RAD23B: variants seen among roughly 807,000 people sequenced by gnomAD.
RAD23B encodes lysine-specific demethylase RAD23B.
In RAD23B, 5 loss-of-function variants were observed where a neutral mutation model predicts 49.1. The observed-to-expected ratio is 0.10, with a 90% CI of 0.05 to 0.21. The LOEUF is 0.21. Ranked by LOEUF, RAD23B falls within the 10% of genes least tolerant of loss-of-function variation. The pLI is 1.00. For synonymous variants in RAD23B, 184 were observed against 165.4 expected, an observed-to-expected ratio of 1.11 and a Z score of -0.86; for missense variants, 356 against 486.7, an observed-to-expected ratio of 0.73 and a Z score of 2.53.
At chr9:107,301,340 ATATAGGT>A (rs1826648074) in intron 2 of RAD23B, among the ~76,000 whole-genome samples, 1 of 152,218 alleles carries the variant, frequency 6.6e-6, no homozygotes, top group African/African-American at 2.4e-5. Flanking sequence ...TCATAAAAGA[ATATAGGT>A]TATTTTCCAG....
chr9:107,324,106 A>AG, intron 8 of RAD23B, 89 bp downstream of exon 8: 30 of 1,353,638 alleles, frequency 2.2e-5, no homozygotes, highest in Non-Finnish European at 3.1e-5. Flanking sequence ...CCTCAAATAC[A>AG]ACTCTGTATT....
intron 6 of RAD23B, among the ~76,000 whole-genome samples, chr9:107,319,564 T>A (rs923602119): frequency 2.0e-5 from 3 of 152,226 alleles, no homozygotes; most frequent in African/African-American, 7.2e-5. Flanking sequence ...TGGACAACTT[T>A]GATCCCAGAT....
chr9:107,313,964 T>A (rs58001660), intron 5 of RAD23B, among the ~76,000 whole-genome samples: 1 of 151,752 alleles, frequency 6.6e-6, no homozygotes, highest in Non-Finnish European at 1.5e-5. Flanking sequence ...TTCCCTTTCT[T>A]CCCCTCATTC....
At chr9:107,319,113 A>G (rs1827056065) in intron 6 of RAD23B, among the ~76,000 whole-genome samples, 1 of 144,518 alleles carries the variant, frequency 6.9e-6, no homozygotes. Context: ...TATTCAGAAC[A>G]AAAATTTCTT....
At chr9:107,283,719 G>A (rs1276066655) in intron 1 of RAD23B, 24 bp downstream of exon 1, 2 of 1,424,562 alleles carry the variant, frequency 1.4e-6, no homozygotes, top group Non-Finnish European at 1.8e-6. Context: ...CCGGGGGCAG[G>A]GGCAGCCGCG....
At chr9:107,292,909 C>T (rs960534955) in intron 1 of RAD23B, among the ~76,000 whole-genome samples, 2 of 152,018 alleles carry the variant, frequency 1.3e-5, no homozygotes, top group African/African-American at 2.4e-5. Flanking sequence ...AACAAATTAC[C>T]CCAAAACTTA....
intron 5 of RAD23B, among the ~76,000 whole-genome samples, chr9:107,316,022 T>TG (rs1195026704): frequency 1.3e-5 from 2 of 152,060 alleles, no homozygotes; most frequent in Admixed American, 6.5e-5. Flanking sequence ...CGAATTTTTT[T>TG]TTTTTTTGGA....
At position 107,331,865 on chromosome 9, in the gene RAD23B, C is replaced by T. The variant is rs1208805672; in HGVS notation, c.*2209C>T. The T allele has an allele frequency of 9.1e-6, 5 of 551,038 alleles. No homozygotes were observed. Among genetic ancestry groups the T allele is most frequent in the Admixed American group, 3.2e-5 (1 of 30,998 alleles). The allele number at this position is 551,038 out of a possible 1,614,324, so 34.1% of individuals were successfully genotyped here. A position where few individuals can be genotyped will look rare whatever the true frequency, so the allele number is the denominator to read the frequency against. On this transcript the variant is annotated 3_prime_UTR_variant, in exon 10 of 10. Transcript: ENST00000358015. The stretch of plus-strand genomic sequence containing the variant: ...CTGCTTCTTAAAGAATCAGCCGAGA[C>T]ACCATAAAAGAAATAGGCTTTTTGT...
At chr9:107,310,512 A>C (rs1261489968) in intron 4 of RAD23B, among the ~76,000 whole-genome samples, 1 of 152,178 alleles carries the variant, frequency 6.6e-6, no homozygotes, top group African/African-American at 2.4e-5. Flanking sequence ...AATGATTGTT[A>C]AGTTAAAAAA....
intron 1 of RAD23B, among the ~76,000 whole-genome samples, chr9:107,292,464 A>T (rs1328702305): frequency 6.6e-6 from 1 of 152,104 alleles, no homozygotes; most frequent in Non-Finnish European, 1.5e-5. Flanking sequence ...GCGGATCACG[A>T]GGTCAGGAGT....
intron 5 of RAD23B, among the ~76,000 whole-genome samples, chr9:107,316,257 C>G (rs113343800): frequency 6.6e-6 from 1 of 151,866 alleles, no homozygotes; most frequent in African/African-American, 2.4e-5. Context: ...GTGATCTGCC[C>G]GCCTCGGCCT....
At chr9:107,311,861 T>A in intron 5 of RAD23B, 124 bp downstream of exon 5, 2 of 697,460 alleles carry the variant, frequency 2.9e-6, no homozygotes, top group Non-Finnish European at 4.6e-6. Flanking sequence ...GTAAGATGAT[T>A]GATTTAGGTA....
chr9:107,328,213 G>A (rs544006910), intron 9 of RAD23B, among the ~76,000 whole-genome samples: 5 of 152,220 alleles, frequency 3.3e-5, no homozygotes, highest in East Asian at 3.9e-4. Context: ...ATAGTTATTC[G>A]TGATGAATTG....
At position 107,330,093 on chromosome 9, in the gene RAD23B, A is replaced by G. The variant is rs1349891056; in HGVS notation, c.*437A>G. 1 of 152,738 alleles carries G rather than the reference A, an allele frequency of 6.5e-6. No homozygotes were observed. The highest frequency in any genetic ancestry group is 1.5e-5 in the Non-Finnish European group (1 of 68,096). The allele number at this position is 152,738 out of a possible 1,614,324, so 9.5% of individuals were successfully genotyped here. On this transcript the variant is annotated 3_prime_UTR_variant, in exon 10 of 10. Coordinates refer to ENST00000358015, the MANE Select transcript of RAD23B (RefSeq NM_002874.5). The surrounding 1 kb of genome is among the most constrained non-coding windows in gnomAD (Gnocchi z 4.4). The stretch of plus-strand genomic sequence containing the variant: ...GGCAACACTGGATAATGGCTTTGTG[A>G]AATTTAAAAAATTTTTGTAGCGACT...
chr9:107,310,564 A>G (rs1826870487), intron 4 of RAD23B, among the ~76,000 whole-genome samples: 1 of 152,202 alleles, frequency 6.6e-6, no homozygotes, highest in South Asian at 2.1e-4. Context: ...TTAAATAGAA[A>G]TTGGTGTCAT....
intron 6 of RAD23B, among the ~76,000 whole-genome samples, chr9:107,319,410 G>A (rs1047086340): frequency 7.2e-5 from 11 of 152,242 alleles, no homozygotes; most frequent in Middle Eastern, 3.4e-3. Flanking sequence ...GATTACAGGT[G>A]TGAGCCACCG....
At chr9:107,284,150 G>GAA in intron 1 of RAD23B, 1 of 942,180 alleles carries the variant, frequency 1.1e-6, no homozygotes, top group Non-Finnish European at 1.3e-6. Flanking sequence ...TGAGCCTTAA[G>GAA]AAAAAAAAAA....
At chr9:107,315,472 A>G (rs1393711743) in intron 5 of RAD23B, among the ~76,000 whole-genome samples, 2 of 151,208 alleles carry the variant, frequency 1.3e-5, no homozygotes, top group Non-Finnish European at 2.9e-5. Context: ...TTGCCTCATT[A>G]CTCTGTTTCT....
rs760355490 is a variant in RAD23B, at chr9:107,306,672, C to G, written c.497+25C>G. 5 of 1,591,256 alleles carry G rather than the reference C, an allele frequency of 3.1e-6. No homozygotes were observed. The South Asian group carries it at 3.4e-5, about 11-fold the overall frequency. ...GGTAGGAACTGGATTCTAGGACATT[C>G]TATCTCAAAATCCGTGTTTAACAGG... On this transcript the variant is annotated intron_variant, in intron 4 of 9. Coordinates refer to ENST00000358015, the MANE Select transcript of RAD23B (RefSeq NM_002874.5).
Sources: allele counts gnomAD v4.1 joint callset (sites outside exome capture counted in the v4.1 genomes callset), GRCh38; gene constraint gnomAD v4.1.1; non-coding constraint Gnocchi (gnomAD v3.1); transcripts MANE v1.5; gene names NCBI Gene and HGNC (gene_info 2026-07-23, HGNC 2026-07-21).